PECAM1: variants seen among roughly 807,000 people sequenced by gnomAD.
PECAM1 encodes the protein platelet and endothelial cell adhesion molecule 1, also known as platelet endothelial cell adhesion molecule.
PECAM1 carries 8 observed loss-of-function variants against 13.8 expected under a neutral mutation model. The ratio of observed to expected loss-of-function variants is 0.58; its 90% confidence interval spans 0.34 to 1.05. The LOEUF (loss-of-function observed/expected upper bound fraction) is 1.05. Ranked by LOEUF, PECAM1 falls within the 50% of genes least tolerant of loss-of-function variation. PECAM1 has a pLI of 0.03. For missense variants in PECAM1, 304 were observed against 141.2 expected (o/e 2.15, Z -5.84); for synonymous variants, 136 against 52.6 (o/e 2.58, Z -6.86).
intron 2 of PECAM1, among the ~76,000 whole-genome samples, chr17:64,379,929 G>A (rs953355252): frequency 1.1e-4 from 17 of 152,060 alleles, no homozygotes; most frequent in African/African-American, 4.1e-4. Context: ...GGAGGCTGAG[G>A]TGGGAGGATC....
At chr17:64,340,012 A>T (rs1020421028) in intron 14 of PECAM1, among the ~76,000 whole-genome samples, 21 of 152,240 alleles carry the variant, frequency 1.4e-4, no homozygotes, top group African/African-American at 4.3e-4. Context: ...TTAGCTGGGC[A>T]TGGTGGTGTG....
In PECAM1 at chr17:64,359,464, G is replaced by A. The variant is rs977014858; in HGVS notation, c.1492+676C>T. Among the ~76,000 whole-genome samples, 171 of 152,254 alleles carry A rather than the reference G, an allele frequency of 1.1e-3. 2 individuals carry two copies. The highest frequency in any genetic ancestry group is 3.8e-3 in the African/African-American group (159 of 41,542). On this transcript the variant is annotated intron_variant, in intron 7 of 15. Coordinates refer to ENST00000563924, the MANE Select transcript of PECAM1 (RefSeq NM_000442.5). ...TGCTGCAGAATTCACACAAGGCAGG[G>A]TTGCCCGGCTAGGAGTCACAACAGC...
At position 64,323,033 on chromosome 17, in the gene PECAM1, A is replaced by C; in HGVS notation, c.*783T>G. Reference sequence around the variant, plus strand: ...GGCAAGGAATACATTTTTAAAAATTAGTAAGAAACATACACATTTCAAGTT... The same window carrying C: ...GGCAAGGAATACATTTTTAAAAATTCGTAAGAAACATACACATTTCAAGTT... On this transcript the variant is annotated 3_prime_UTR_variant, in exon 16 of 16. Transcript: ENST00000563924. 5 of 984,540 alleles carry C rather than the reference A, an allele frequency of 5.1e-6. No homozygotes were observed. The highest frequency in any genetic ancestry group is 4.8e-6 in the Non-Finnish European group (4 of 829,084). The allele number at this position is 984,540 out of a possible 1,614,324, so 61.0% of individuals were successfully genotyped here.
intron 2 of PECAM1, among the ~76,000 whole-genome samples, chr17:64,383,621 C>T (rs1266762559): frequency 1.3e-5 from 2 of 152,226 alleles, no homozygotes; most frequent in Non-Finnish European, 2.9e-5. Context: ...TACTCTGGGC[C>T]TTCCAGCCTC....
At chr17:64,332,150 T>A (rs1555646867) in intron 14 of PECAM1, among the ~76,000 whole-genome samples, 1 of 152,168 alleles carries the variant, frequency 6.6e-6, no homozygotes, top group Non-Finnish European at 1.5e-5. Context: ...GAGCCAGAAG[T>A]TCCTCAGGGG....
chr17:64,380,118 G>A (rs1231902165), intron 2 of PECAM1, among the ~76,000 whole-genome samples: 1 of 151,890 alleles, frequency 6.6e-6, no homozygotes, highest in Non-Finnish European at 1.5e-5. Context: ...AATCACCTGA[G>A]GTCAGGAGTT....
intron 13 of PECAM1, among the ~76,000 whole-genome samples, chr17:64,344,522 C>T (rs1000959373): frequency 6.6e-6 from 1 of 152,174 alleles, no homozygotes; most frequent in Non-Finnish European, 1.5e-5. Flanking sequence ...CCTGCCCCTC[C>T]TCCACCCCAA....
chr17:64,323,892 T>A (rs782239231), intron 15 of PECAM1, 47 bp from the exon 16 acceptor site: 3 of 790,314 alleles, frequency 3.8e-6, no homozygotes, highest in Non-Finnish European at 7.0e-6. Flanking sequence ...CCTCTCAAGA[T>A]TGAAGATTGC....
chr17:64,369,564 C>T (rs1269659293), intron 5 of PECAM1, among the ~76,000 whole-genome samples, 186 bp downstream of exon 5: 1 of 152,174 alleles, frequency 6.6e-6, no homozygotes, highest in African/African-American at 2.4e-5. Context: ...CCTCAACACG[C>T]ACAGTAGACT....
At chr17:64,359,032 A>G (rs962046331) in intron 7 of PECAM1, among the ~76,000 whole-genome samples, 8 of 152,144 alleles carry the variant, frequency 5.3e-5, no homozygotes, top group Non-Finnish European at 1.0e-4. Flanking sequence ...TCCTGACCTC[A>G]GGTGATCCGC....
intron 2 of PECAM1, among the ~76,000 whole-genome samples, chr17:64,384,871 G>T (rs1257624027): frequency 6.6e-6 from 1 of 152,216 alleles, no homozygotes; most frequent in Non-Finnish European, 1.5e-5. Context: ...AACTTCAAAA[G>T]TCTCTGCCTG....
At chr17:64,349,299 C>CTGT (rs2035656224) in intron 12 of PECAM1, among the ~76,000 whole-genome samples, 1 of 152,074 alleles carries the variant, frequency 6.6e-6, no homozygotes, top group East Asian at 1.9e-4. Context: ...GTCAAAGATA[C>CTGT]ATTTCAGGCT....
intron 3 of PECAM1, among the ~76,000 whole-genome samples, chr17:64,376,227 C>G (rs2036354776): frequency 6.6e-6 from 1 of 152,034 alleles, no homozygotes; most frequent in African/African-American, 2.4e-5. Flanking sequence ...ATTGCTTGAA[C>G]CCCGAAGGCA....
chr17:64,335,209 G>A (rs2035246026), intron 14 of PECAM1, among the ~76,000 whole-genome samples: 1 of 152,076 alleles, frequency 6.6e-6, no homozygotes, highest in Non-Finnish European at 1.5e-5. Flanking sequence ...AGGTGACCAA[G>A]GTCTTGAGAG....
chr17:64,338,989 C>T (rs1348965953), intron 14 of PECAM1, among the ~76,000 whole-genome samples: 2 of 152,230 alleles, frequency 1.3e-5, no homozygotes, highest in East Asian at 1.9e-4. Context: ...TTGTCCAATT[C>T]GCAGGGCCCC....
chr17:64,345,661 C>T (rs940837578), intron 13 of PECAM1, among the ~76,000 whole-genome samples: 21 of 149,282 alleles, frequency 1.4e-4, no homozygotes, highest in Non-Finnish European at 2.2e-4. Context: ...AGCAGTGTGC[C>T]GAAACTGTGC....
chr17:64,376,305 A>AAAATAAAT lies in PECAM1; in HGVS notation c.386-957_386-950dup, dbSNP rs386627358. Among the ~76,000 whole-genome samples, 170 of 148,518 alleles carry AAAATAAAT rather than the reference A, an allele frequency of 1.1e-3. 1 individual carries two copies. Among genetic ancestry groups the AAAATAAAT allele is most frequent in the African/African-American group, 3.7e-3 (149 of 40,246 alleles). On this transcript the variant is annotated intron_variant, in intron 3 of 15. Transcript: ENST00000563924. ...GGGCAACAGAGTGAGACTCTGTCTA[A>AAAATAAAT]AAATAAATAAATAAATAAATAAATA...
intron 2 of PECAM1, among the ~76,000 whole-genome samples, chr17:64,385,420 GAGA>G (rs2036571829): frequency 6.6e-6 from 1 of 152,170 alleles, no homozygotes; most frequent in African/African-American, 2.4e-5. Flanking sequence ...GAGGGTGCAG[GAGA>G]AGGAGGGGCT....
At chr17:64,342,474 G>A (rs965404965) in intron 13 of PECAM1, among the ~76,000 whole-genome samples, 1 of 152,214 alleles carries the variant, frequency 6.6e-6, no homozygotes, top group Non-Finnish European at 1.5e-5. Flanking sequence ...GTTAGAGCCT[G>A]GGGGTTGTCA....
Sources: allele counts gnomAD v4.1 joint callset (sites outside exome capture counted in the v4.1 genomes callset), GRCh38; gene constraint gnomAD v4.1.1; transcripts MANE v1.5; gene names NCBI Gene and HGNC (gene_info 2026-07-23, HGNC 2026-07-21).